Variants in JAML observed in about 807,000 individuals in gnomAD.
JAML encodes junction adhesion molecule like.
In JAML, 25 loss-of-function variants were observed where a neutral mutation model predicts 39.3. The ratio of observed to expected loss-of-function variants is 0.64; its 90% CI spans 0.46 to 0.89. The LOEUF is 0.89. Ranked by LOEUF, JAML falls within the 40% of genes least tolerant of loss-of-function variation. The pLI is 0.00. For synonymous variants in JAML, 162 were observed against 179.2 expected (o/e 0.90, Z 0.77); for missense variants, 440 against 486.9 (o/e 0.90, Z 0.91).
intron 1 of JAML, among the ~76,000 whole-genome samples, chr11:118,221,208 A>C (rs1054327227): frequency 6.6e-6 from 1 of 151,818 alleles, no homozygotes. Context: ...TAATAATTAC[A>C]TGGCTAGTCC....
intron 4 of JAML, among the ~76,000 whole-genome samples, 164 bp downstream of exon 4, chr11:118,210,321 ACT>A (rs1468857686): frequency 1.5e-4 from 23 of 152,164 alleles, no homozygotes; most frequent in African/African-American, 4.3e-4. Flanking sequence ...TAATAAAATA[ACT>A]CTATTTTTAT....
chr11:118,218,528 G>T (rs1349094122), intron 1 of JAML, among the ~76,000 whole-genome samples: 3 of 152,066 alleles, frequency 2.0e-5, no homozygotes, highest in Non-Finnish European at 4.4e-5. Flanking sequence ...GCTCCATGAA[G>T]CCAAGAGCCA....
At chr11:118,210,925 T>C (rs962797315) in intron 3 of JAML, among the ~76,000 whole-genome samples, 5 of 152,200 alleles carry the variant, frequency 3.3e-5, no homozygotes, top group East Asian at 3.8e-4. Flanking sequence ...AATGGAGAAA[T>C]GCAGTCCACA....
rs151052366 is a variant in JAML at position 118,208,612 on chromosome 11, G to A, written c.424+1875C>T. Among the ~76,000 whole-genome samples the A allele has an allele frequency of 1.4e-3, 208 of 152,282 alleles. 1 individual carries two copies. Among genetic ancestry groups the A allele is most frequent in the African/African-American group, 4.8e-3 (199 of 41,566 alleles). ...CTAAGGACCTAAGCTAGCTGCAGGC[G>A]GGAAATGGCCCCAGATTCTAGTTCC... On this transcript the variant is annotated intron_variant, in intron 4 of 9. Transcript: ENST00000356289.
At chr11:118,200,740 A>C in intron 6 of JAML, 128 bp from the exon 7 acceptor site, 1 of 1,002,194 alleles carries the variant, frequency 1.0e-6, no homozygotes, top group African/African-American at 1.6e-5. Context: ...TCCACCCCAT[A>C]TCTGGACACT....
At position 118,210,517 on chromosome 11, in the gene JAML, C is replaced by T. The variant is rs1215684179; in HGVS notation, c.394G>A (p.Val132Ile). The T allele has an allele frequency of 6.2e-7, 1 of 1,614,122 alleles. No individual in the cohort carries two copies. Among genetic ancestry groups the T allele is most frequent in the Non-Finnish European group, 8.5e-7 (1 of 1,180,004 alleles). Reference sequence around the variant, plus strand: ...GGCTCCTCTGGAAGCACATGCAGTACCACCGCCTTCTTGAACACCTGGCTC... The same window carrying T: ...GGCTCCTCTGGAAGCACATGCAGTATCACCGCCTTCTTGAACACCTGGCTC... ...GESQVFKKAVVLHVLPEEPKE... is the reference protein window; with the variant it reads ...GESQVFKKAVILHVLPEEPKE... The change falls in exon 4 of 10, where the codon GTA (valine) becomes ATA (isoleucine). Residue 132 changes from valine to isoleucine, a missense_variant. Transcript: ENST00000356289.
rs1949215737 is a variant in JAML at position 118,222,058 on chromosome 11, C to T, written c.-21+2883G>A. Among the ~76,000 whole-genome samples the T allele has an allele frequency of 6.6e-6, 1 of 152,068 alleles. No individual in the cohort carries two copies. Among genetic ancestry groups the T allele is most frequent in the East Asian group, 1.9e-4 (1 of 5,184 alleles). ...TATAGGATTTTTATTTTGAGAACTC[C>T]ATAGTCAGAAATCAACTTAATTAAA... On this transcript the variant is annotated intron_variant, in intron 1 of 9. Transcript: ENST00000356289. The surrounding 1 kb of genome is among the most constrained non-coding windows in gnomAD (Gnocchi z 4.2).
chr11:118,196,858 T>C (rs776118584), intron 8 of JAML, 37 bp from the exon 9 acceptor site: 1 of 1,534,644 alleles, frequency 6.5e-7, no homozygotes. Context: ...TCCTAAAAAT[T>C]AGATGAATCT....
At chr11:118,196,660 A>C in intron 9 of JAML, 75 bp downstream of exon 9, 1 of 1,352,262 alleles carries the variant, frequency 7.4e-7, no homozygotes, top group Non-Finnish European at 1.1e-6. Context: ...TCCCTTGGGC[A>C]ACCCAGCCAC....
At chr11:118,206,239 C>G (rs11600544) in intron 4 of JAML, among the ~76,000 whole-genome samples, 68,625 of 151,616 alleles carry the variant, frequency 0.45, 17,533 homozygotes, top group South Asian at 0.73. Context: ...AGAATACCCT[C>G]TAGCTGCCCA....
intron 1 of JAML, among the ~76,000 whole-genome samples, chr11:118,224,356 C>G (rs1034113122): frequency 6.6e-6 from 1 of 152,122 alleles, no homozygotes; most frequent in Non-Finnish European, 1.5e-5. Context: ...GCCTAGCTTT[C>G]TTGGGAGATT....
intron 7 of JAML, among the ~76,000 whole-genome samples, chr11:118,198,499 C>A (rs890537922): frequency 6.6e-6 from 1 of 152,050 alleles, no homozygotes; most frequent in Non-Finnish European, 1.5e-5. Context: ...GACGCCAATC[C>A]GAAGGGCTCC....
intron 5 of JAML, 198 bp downstream of exon 5, chr11:118,205,684 A>G: frequency 1.8e-6 from 1 of 570,028 alleles, no homozygotes; most frequent in Non-Finnish European, 3.2e-6. Flanking sequence ...GTTAAGCATC[A>G]TCATCATCTT....
At position 118,224,911 on chromosome 11, in the gene JAML, T is replaced by C. The variant is rs1321111157; in HGVS notation, c.-21+30A>G. 2.0e-5 allele frequency: 3 copies of C among 152,130 alleles called. 1 individual carries two copies. Among genetic ancestry groups the C allele is most frequent in the South Asian group, 4.1e-4 (2 of 4,826 alleles). 9.4% of individuals were successfully genotyped at this position (152,130 alleles called of 1,614,324 possible). A position where few individuals can be genotyped will look rare whatever the true frequency, so the allele number is the denominator to read the frequency against. On this transcript the variant is annotated intron_variant, in intron 1 of 9. Coordinates refer to ENST00000356289, the MANE Select transcript of JAML (RefSeq NM_001098526.2). Reference sequence around the variant, plus strand: ...TTCTGTGTGAGAAAAGTTCAAAAAATGGCTTAAGAAATTCAAAGCAACTGC... The same window carrying C: ...TTCTGTGTGAGAAAAGTTCAAAAAACGGCTTAAGAAATTCAAAGCAACTGC...
intron 2 of JAML, among the ~76,000 whole-genome samples, chr11:118,213,649 G>A (rs1338102357): frequency 6.6e-6 from 1 of 152,194 alleles, no homozygotes; most frequent in East Asian, 1.9e-4. Flanking sequence ...AGGACTGCTA[G>A]GAAGCAACAA....
chr11:118,218,356 G>C (rs1047147389), intron 1 of JAML, among the ~76,000 whole-genome samples: 19 of 152,188 alleles, frequency 1.2e-4, no homozygotes, highest in African/African-American at 4.1e-4. Flanking sequence ...GCCTACCAAA[G>C]GGCTGGGACT....
Position 118,194,406 on chromosome 11 carries a change from C to A in JAML, c.1104G>T (p.Trp368Cys), listed in dbSNP as rs1468480515. The A allele has an allele frequency of 6.2e-7, 1 of 1,613,884 alleles. No individual in the cohort carries two copies. Among genetic ancestry groups the A allele is most frequent in the African/African-American group, 1.3e-5 (1 of 74,900 alleles). ...EATYMTMHPV[W>C]PSLRSDRNNS... ...TGTTCCGATCTGACCTCAGAGAAGG[C>A]CAAACTGGGTGCTGTGGGGGAAGGG... The change falls in exon 10 of 10, where the codon TGG becomes TGT. Residue 368 changes from tryptophan (W) to cysteine (C), a missense_variant. Transcript: ENST00000356289.
intron 6 of JAML, chr11:118,202,303 C>T (rs76730838): frequency 0.065 from 9,916 of 152,346 alleles, 1,005 homozygotes; most frequent in African/African-American, 0.21. Flanking sequence ...CTCAGGAAAA[C>T]AATCTTAAGA....
At chr11:118,200,645 C>G (rs370545132) in intron 6 of JAML, 33 bp from the exon 7 acceptor site, 84 of 1,613,228 alleles carry the variant, frequency 5.2e-5, no homozygotes, top group Non-Finnish European at 6.9e-5. Context: ...GAGAGGGTCT[C>G]AATACTTTAG....
Sources: gnomAD v4.1 joint callset for allele counts (sites outside exome capture counted in the v4.1 genomes callset) on GRCh38, gnomAD v4.1.1 for gene constraint, Gnocchi (gnomAD v3.1) non-coding constraint, MANE v1.5 for transcripts, NCBI Gene and HGNC (gene_info 2026-07-23, HGNC 2026-07-21) for gene names.